Variants in THRA observed in about 807,000 individuals in gnomAD.
The protein encoded by THRA is EAR-7.
A neutral mutation model predicts 45.0 loss-of-function variants in THRA; 13 were observed. The ratio of observed to expected loss-of-function variants is 0.29; its 90% CI spans 0.19 to 0.46. THRA has a LOEUF of 0.46. Ranked by LOEUF, THRA falls within the 20% of genes least tolerant of loss-of-function variation. THRA has a pLI of 1.00. For synonymous variants in THRA, 195 were observed against 214.0 expected (o/e 0.91, Z 0.78); for missense variants, 278 against 556.1 (o/e 0.50, Z 5.03).
At chr17:40,081,096 A>T (rs1429104992) in intron 4 of THRA, among the ~76,000 whole-genome samples, 4 of 151,564 alleles carry the variant, frequency 2.6e-5, no homozygotes, top group Admixed American at 1.3e-4. Flanking sequence ...CCCAGTTCTG[A>T]CTCTGCTGCC....
chr17:40,080,118 G>A (rs1407200044), intron 4 of THRA, among the ~76,000 whole-genome samples: 7 of 151,778 alleles, frequency 4.6e-5, no homozygotes, highest in East Asian at 1.9e-4. Flanking sequence ...ATATGTTAAA[G>A]GCCAGGTATA....
downstream of THRA, chr17:40,093,274 C>T (rs1388575832): frequency 6.2e-7 from 1 of 1,613,688 alleles, no homozygotes; most frequent in South Asian, 1.1e-5. This position sits in a 1 kb window ranked among gnomAD's most constrained non-coding sequence, Gnocchi z 5.9. Context: ...TTCTCCATGC[C>T]CGAGCGGTCT....
chr17:40,074,689 G>T (rs1986890138), intron 2 of THRA, 148 bp downstream of exon 2: 1 of 819,866 alleles, frequency 1.2e-6, no homozygotes, highest in Admixed American at 2.1e-5. Context: ...TCTGGCAGAT[G>T]AAGTCATGTT....
chr17:40,082,758 C>CCT lies in THRA; in HGVS notation c.223-1077_223-1076insCT, dbSNP rs1389256940. Reference sequence around the variant, plus strand: ...AACTGCTACACTATAGAATCGCATGCTTTTTTTTTTTTTTTTTTTTTTTTT... The same window carrying CCT: ...AACTGCTACACTATAGAATCGCATGCCTTTTTTTTTTTTTTTTTTTTTTTTTT... On this transcript the variant is annotated intron_variant, in intron 4 of 8. Coordinates refer to ENST00000450525, the MANE Select transcript of THRA (RefSeq NM_199334.5). Among the ~76,000 whole-genome samples, 524 of 67,508 alleles carry CCT rather than the reference C, an allele frequency of 7.8e-3. 24 individuals carry two copies. Among genetic ancestry groups the CCT allele is most frequent in the Middle Eastern group, 0.013 (1 of 78 alleles). The allele number at this position is 67,508 out of a possible 152,430, so 44.3% of individuals were successfully genotyped here.
chr17:40,093,029 G>A (rs1268485625), downstream of THRA: 3 of 1,612,904 alleles, frequency 1.9e-6, no homozygotes, highest in Non-Finnish European at 1.7e-6. This position sits in a 1 kb window ranked among gnomAD's most constrained non-coding sequence, Gnocchi z 5.9. Context: ...GGAGAGAGAA[G>A]TGCAGAGTTC....
chr17:40,065,475 C>CT (rs1253578882), intron 1 of THRA, among the ~76,000 whole-genome samples: 1 of 152,146 alleles, frequency 6.6e-6, no homozygotes, highest in Non-Finnish European at 1.5e-5. Context: ...CTTGCAGTGT[C>CT]TGATTCTCCC....
chr17:40,083,490 T>C (rs1348873734), intron 4 of THRA, among the ~76,000 whole-genome samples: 1 of 149,492 alleles, frequency 6.7e-6, no homozygotes, highest in African/African-American at 2.5e-5. Context: ...TGGGATTACA[T>C]GCGTGCGCCA....
chr17:40,062,934 GC>G (rs1156780845), upstream of THRA: 1 of 149,424 alleles, frequency 6.7e-6, no homozygotes, highest in Non-Finnish European at 1.5e-5. Context: ...CCGCGGGGCC[GC>G]CACACTCGCC....
chr17:40,082,654 G>A (rs1486028951), intron 4 of THRA, among the ~76,000 whole-genome samples: 3 of 151,720 alleles, frequency 2.0e-5, no homozygotes, highest in East Asian at 1.9e-4. Flanking sequence ...GAGCCACCGC[G>A]CCCGGCCAAG....
chr17:40,078,392 G>A (rs1280816671), intron 4 of THRA, among the ~76,000 whole-genome samples: 3 of 152,206 alleles, frequency 2.0e-5, no homozygotes. Flanking sequence ...TGAGGTGGGA[G>A]ACTGCTTGAA....
chr17:40,083,726 G>T, intron 4 of THRA, 109 bp from the exon 5 acceptor site: 1 of 1,417,126 alleles, frequency 7.1e-7, no homozygotes, highest in Non-Finnish European at 9.4e-7. Flanking sequence ...TCCCCTCACT[G>T]ATCTTGCCTT....
intron 1 of THRA, among the ~76,000 whole-genome samples, chr17:40,066,751 GATGATGGTGATGATCATGACGGCC>G (rs1986589034): frequency 6.6e-6 from 1 of 151,730 alleles, no homozygotes; most frequent in Non-Finnish European, 1.5e-5. Context: ...TAAGAACAGA[GATGATGGTGATGATCATGACGGCC>G]ATGATTGACC....
chr17:40,066,659 G>A (rs1437126365), intron 1 of THRA, among the ~76,000 whole-genome samples: 5 of 111,596 alleles, frequency 4.5e-5, no homozygotes, highest in Admixed American at 1.0e-4. Context: ...GCGAGACTCC[G>A]TCTCAAAAAA....
intron 4 of THRA, among the ~76,000 whole-genome samples, chr17:40,083,002 G>A (rs558733041): frequency 2.4e-3 from 348 of 146,844 alleles, no homozygotes; most frequent in African/African-American, 7.6e-3. Context: ...ATCTTGGCTC[G>A]TGGCAAGCTC....
At position 40,089,321 on chromosome 17, in the gene THRA, G is replaced by A. The variant is rs757627570; in HGVS notation, c.1098G>A (p.Lys366=). Residue 366 remains lysine (K), a synonymous_variant, in exon 9 of 9, where the codon AAG becomes AAA. Transcript: ENST00000450525. The surrounding 1 kb of genome is among the most constrained non-coding windows in gnomAD (Gnocchi z 6.1). Reference sequence around the variant, plus strand: ...ACAACATTCCGCACTTCTGGCCCAAGCTGCTGATGAAGGTGACTGACCTCC... The same window carrying A: ...ACAACATTCCGCACTTCTGGCCCAAACTGCTGATGAAGGTGACTGACCTCC... ...RKHNIPHFWP[K]LLMKVTDLRM... 1.2e-6 allele frequency: 2 copies of A among 1,614,152 alleles called. No homozygotes were observed. The highest frequency in any genetic ancestry group is 1.7e-6 in the Non-Finnish European group (2 of 1,180,036).
intron 7 of THRA, 105 bp from the exon 8 acceptor site, chr17:40,088,137 A>C: frequency 6.9e-7 from 1 of 1,454,808 alleles, no homozygotes; most frequent in Non-Finnish European, 9.2e-7. Flanking sequence ...TTCAGAGTCC[A>C]TGGGGGCCTT....
Position 40,091,049 on chromosome 17 carries a change from G to A in THRA, c.*1593G>A, listed in dbSNP as rs1987516046. 6.6e-6 allele frequency: 1 copy of A among 151,928 alleles called. No homozygotes were observed. Among genetic ancestry groups the A allele is most frequent in the Admixed American group, 6.6e-5 (1 of 15,248 alleles). The allele number at this position is 151,928 out of a possible 1,614,324, so 9.4% of individuals were successfully genotyped here. On this transcript the variant is annotated 3_prime_UTR_variant, in exon 9 of 9. Coordinates refer to ENST00000450525, the MANE Select transcript of THRA (RefSeq NM_199334.5). ...AGCAGACCAGAGGGTGCTGGGCTCAGGGCTGCATGTCGGCAGGGATGGATG... is the reference window on the plus strand; with the variant it reads ...AGCAGACCAGAGGGTGCTGGGCTCAAGGCTGCATGTCGGCAGGGATGGATG...
At chr17:40,080,699 G>A (rs1219467730) in intron 4 of THRA, among the ~76,000 whole-genome samples, 1 of 150,090 alleles carries the variant, frequency 6.7e-6, no homozygotes, top group African/African-American at 2.5e-5. Flanking sequence ...CTGTATCTTT[G>A]GTAGGTGCCT....
intron 1 of THRA, among the ~76,000 whole-genome samples, chr17:40,064,708 C>A (rs1986490668): frequency 6.6e-6 from 1 of 152,184 alleles, no homozygotes; most frequent in Admixed American, 6.5e-5. Context: ...CTCTTGGAGA[C>A]CTGGGAGAAT....
Sources: gnomAD v4.1 joint callset for allele counts (sites outside exome capture counted in the v4.1 genomes callset) on GRCh38, gnomAD v4.1.1 for gene constraint, Gnocchi (gnomAD v3.1) non-coding constraint, MANE v1.5 for transcripts, NCBI Gene and HGNC (gene_info 2026-07-23, HGNC 2026-07-21) for gene names.